AOPEP: variants seen among roughly 807,000 people sequenced by gnomAD.
The protein encoded by AOPEP is aminopeptidase O.
In AOPEP, 77 loss-of-function variants were observed where a neutral mutation model predicts 98.1. The observed-to-expected ratio is 0.78, with a 90% CI of 0.65 to 0.95. The LOEUF (loss-of-function observed/expected upper bound fraction) is 0.95, where lower values mean the gene tolerates loss of function less well. Ranked by LOEUF, AOPEP falls within the 40% of genes least tolerant of loss-of-function variation. The probability of loss-of-function intolerance (pLI) is 0.00; values close to 1 mark genes in which losing one functional copy is unlikely to be tolerated. For missense variants in AOPEP, 1,024 were observed against 1,024.7 expected (o/e 1.00, Z 0.01); for synonymous variants, 346 against 365.3 (o/e 0.95, Z 0.60).
At position 94,759,833 on chromosome 9, in the gene AOPEP, A is replaced by C. The variant is rs148159931; in HGVS notation, c.50A>C (p.Asn17Thr). 192 of 1,614,078 alleles carry C rather than the reference A, an allele frequency of 1.2e-4. No individual in the cohort carries two copies. Among genetic ancestry groups the C allele is most frequent in the Non-Finnish European group, 1.6e-4 (187 of 1,180,038 alleles). Residue 17 changes from asparagine to threonine, a missense_variant, in exon 2 of 17, where the codon AAC becomes ACC. Asn to Thr is a moderately conservative substitution (Grantham distance 65). Transcript: ENST00000375315. Reference protein sequence around the residue: ...PARDDLPLMANTSHILVKHYV... With the variant: ...PARDDLPLMATTSHILVKHYV... Reference sequence around the variant, plus strand: ...AGAGATGACCTGCCTCTCATGGCCAACACCAGCCACATACTTGTGAAGCAC... The same window carrying C: ...AGAGATGACCTGCCTCTCATGGCCACCACCAGCCACATACTTGTGAAGCAC...
At chr9:94,914,523 CGTGTGTGTGTGTGTGT>C (rs67826706) in intron 5 of AOPEP, among the ~76,000 whole-genome samples, 6 of 143,606 alleles carry the variant, frequency 4.2e-5, no homozygotes, top group Non-Finnish European at 4.6e-5. Flanking sequence ...TGGCATTAGA[CGTGTGTGTGTGTGTGT>C]GTGTGTGTGT....
chr9:94,931,184 T>C (rs2055238548), intron 7 of AOPEP, among the ~76,000 whole-genome samples: 1 of 152,180 alleles, frequency 6.6e-6, no homozygotes, highest in Non-Finnish European at 1.5e-5. Context: ...CTGGCTTCCC[T>C]GGAGCCTGAG....
At chr9:94,879,030 G>A (rs947544775) in intron 5 of AOPEP, among the ~76,000 whole-genome samples, 10 of 152,212 alleles carry the variant, frequency 6.6e-5, no homozygotes, top group African/African-American at 2.4e-4. Flanking sequence ...CAGTTCCTGG[G>A]TGGGGACCAC....
intron 13 of AOPEP, among the ~76,000 whole-genome samples, chr9:95,013,667 C>T (rs2062748401): frequency 6.6e-6 from 1 of 152,120 alleles, no homozygotes; most frequent in South Asian, 2.1e-4. Context: ...TAGTAGAATT[C>T]TCAGGAAGAG....
chr9:95,083,785 G>A (rs2070221823), intron 16 of AOPEP, among the ~76,000 whole-genome samples: 1 of 152,226 alleles, frequency 6.6e-6, no homozygotes, highest in Non-Finnish European at 1.5e-5. Context: ...TGGCCTCCAT[G>A]ACCCTGTGTC....
chr9:95,119,160 C>T, the AOPEP span, among the ~76,000 whole-genome samples: 1 of 152,318 alleles, frequency 6.6e-6, no homozygotes, highest in Non-Finnish European at 1.5e-5. Context: ...TGACGCTGAA[C>T]AGTTTTCATG....
chr9:94,974,912 G>A (rs1273432313), intron 10 of AOPEP, among the ~76,000 whole-genome samples: 1 of 152,176 alleles, frequency 6.6e-6, no homozygotes, highest in Non-Finnish European at 1.5e-5. Context: ...CTTGGAACCT[G>A]TATTTGTTTG....
intron 3 of AOPEP, among the ~76,000 whole-genome samples, chr9:94,788,492 G>T (rs113381773): frequency 0.035 from 4,989 of 142,602 alleles, 259 homozygotes; most frequent in African/African-American, 0.11. Context: ...CTTATGCTTT[G>T]TTTTTTTTTT....
chr9:94,969,311 GTCT>G (rs1319701639), intron 10 of AOPEP, among the ~76,000 whole-genome samples: 1 of 152,000 alleles, frequency 6.6e-6, no homozygotes, highest in African/African-American at 2.4e-5. Flanking sequence ...TTGCAGAGGG[GTCT>G]TAGAACCAAT....
chr9:94,989,887 G>C (rs1246326446), intron 11 of AOPEP, among the ~76,000 whole-genome samples: 1 of 152,170 alleles, frequency 6.6e-6, no homozygotes, highest in Non-Finnish European at 1.5e-5. Context: ...GGGATTACAG[G>C]CATGAGCCAC....
Position 94,800,978 on chromosome 9 carries a change from AC to A in AOPEP, c.1341del (p.Pro449GlnfsTer18). Reference sequence around the variant, plus strand: ...CTGGATGTTCTCATCGTCCCTGCCAACTTTCCAAGTCTGGGGATGGCCAGGT... The same window carrying A: ...CTGGATGTTCTCATCGTCCCTGCCAATTTCCAAGTCTGGGGATGGCCAGGT... Reference protein sequence around the residue: ...SRLDVLIVPANFPSLGMASPH... With the variant: ...SRLDVLIVPAXFPSLGMASPH... On this transcript the variant is annotated frameshift_variant, in exon 5 of 17. Transcript: ENST00000375315. LOFTEE classifies it high-confidence loss of function. The A allele has an allele frequency of 1.2e-6, 2 of 1,614,196 alleles. No homozygotes were observed. Among genetic ancestry groups the A allele is most frequent in the South Asian group, 2.2e-5 (2 of 91,082 alleles).
chr9:94,820,899 A>T (rs1315385002), intron 5 of AOPEP, among the ~76,000 whole-genome samples: 1 of 152,234 alleles, frequency 6.6e-6, no homozygotes, highest in Non-Finnish European at 1.5e-5. Flanking sequence ...CTTGGTGAAG[A>T]TCTTGCTTAT....
At chr9:95,090,566 A>G (rs1169144416), downstream of AOPEP, among the ~76,000 whole-genome samples, 1 of 152,114 alleles carries the variant, frequency 6.6e-6, no homozygotes, top group Non-Finnish European at 1.5e-5. Context: ...GGGAGGAAGC[A>G]GCAGTGACCA....
intron 13 of AOPEP, among the ~76,000 whole-genome samples, chr9:95,045,255 G>A (rs1256178517): frequency 1.3e-5 from 2 of 152,310 alleles, no homozygotes; most frequent in Middle Eastern, 6.8e-3. Flanking sequence ...TGCAGCGGGC[G>A]GACCCGTGTC....
chr9:94,988,912 C>CT (rs368515133), intron 11 of AOPEP, among the ~76,000 whole-genome samples: 5,858 of 138,792 alleles, frequency 0.042, 412 homozygotes, highest in African/African-American at 0.14. Flanking sequence ...CTTTTCCTTT[C>CT]TTTTTTTTTT....
At chr9:95,080,554 A>T (rs1314928878) in intron 14 of AOPEP, 140 bp from the exon 15 acceptor site, 1 of 634,850 alleles carries the variant, frequency 1.6e-6, no homozygotes, top group East Asian at 2.6e-5. Flanking sequence ...CTAAAAGAAA[A>T]TGTAAAACTA....
chr9:95,036,963 T>C (rs145251716), intron 13 of AOPEP, among the ~76,000 whole-genome samples: 18 of 152,348 alleles, frequency 1.2e-4, no homozygotes, highest in Admixed American at 6.5e-4. Context: ...TGGCAGATAA[T>C]GCATTCCAGT....
chr9:94,781,246 C>A (rs968377419), intron 3 of AOPEP, among the ~76,000 whole-genome samples: 3 of 152,130 alleles, frequency 2.0e-5, no homozygotes, highest in Non-Finnish European at 2.9e-5. Flanking sequence ...GGCCTATATT[C>A]TCTACCAAAA....
intron 13 of AOPEP, among the ~76,000 whole-genome samples, chr9:95,009,966 A>G (rs1190026864): frequency 6.6e-6 from 1 of 152,026 alleles, no homozygotes; most frequent in Non-Finnish European, 1.5e-5. Context: ...CCTTGTTATA[A>G]TATATTCCTA....
Sources: gnomAD v4.1 joint callset for allele counts (sites outside exome capture counted in the v4.1 genomes callset) on GRCh38, gnomAD v4.1.1 for gene constraint, MANE v1.5 for transcripts, NCBI Gene and HGNC (gene_info 2026-07-23, HGNC 2026-07-21) for gene names.